The following ZNF678 variants were observed in gnomAD, a reference collection of about 807,000 sequenced individuals.
ZNF678 encodes hypothetical protein MGC42493.
In ZNF678, 5 loss-of-function variants were observed where a neutral mutation model predicts 3.0. That is an observed-to-expected ratio of 1.69 (90% confidence interval 0.88 to 3.56). ZNF678 has a LOEUF of 3.56. ZNF678 is among the 30% of genes most tolerant of loss of function. The pLI, the probability that ZNF678 is intolerant of heterozygous loss-of-function variation, is 0.00. For missense variants in ZNF678, 593 were observed against 605.0 expected (o/e 0.98, Z 0.21); for synonymous variants, 218 against 199.6 (o/e 1.09, Z -0.78).
At chr1:227,620,304 T>C (rs562510696) in intron 1 of ZNF678, among the ~76,000 whole-genome samples, 1 of 152,316 alleles carries the variant, frequency 6.6e-6, no homozygotes, top group South Asian at 2.1e-4. Context: ...CCTCCATTTT[T>C]CCTTTTTTGA....
rs1206267875 is a variant in ZNF678 at position 227,656,327 on chromosome 1, G to A, written c.*499G>A. On this transcript the variant is annotated 3_prime_UTR_variant, in exon 4 of 4. Transcript: ENST00000343776. ...ATTCAAAGTTAAAATAGATAATTTA[G>A]TTGTATGTAAATTTAAATGAATCAA... 1 of 151,872 alleles carries A rather than the reference G, an allele frequency of 6.6e-6. No homozygotes were observed. Among genetic ancestry groups the A allele is most frequent in the East Asian group, 1.9e-4 (1 of 5,202 alleles). The allele number at this position is 151,872 out of a possible 1,614,324, so 9.4% of individuals were successfully genotyped here. A position where few individuals can be genotyped will look rare whatever the true frequency, so the allele number is the denominator to read the frequency against.
intron 1 of ZNF678, among the ~76,000 whole-genome samples, chr1:227,611,324 A>AT (rs1246565307): frequency 6.6e-6 from 1 of 152,112 alleles, no homozygotes; most frequent in Non-Finnish European, 1.5e-5. Context: ...CACCCTATCT[A>AT]TACAAGATTC....
intron 1 of ZNF678, among the ~76,000 whole-genome samples, chr1:227,592,991 G>A (rs548819169): frequency 7.6e-4 from 116 of 152,352 alleles, no homozygotes; most frequent in African/African-American, 2.8e-3. Flanking sequence ...CCAAGGAATG[G>A]TAAGTTTTCT....
chr1:227,651,214 G>T, intron 3 of ZNF678, 138 bp downstream of exon 3: 1 of 927,712 alleles, frequency 1.1e-6, no homozygotes, highest in Non-Finnish European at 1.6e-6. Flanking sequence ...TATTACCAGG[G>T]GCTTGTGTGC....
intron 1 of ZNF678, among the ~76,000 whole-genome samples, chr1:227,595,218 C>T (rs1246279294): frequency 6.7e-6 from 1 of 148,578 alleles, no homozygotes; most frequent in African/African-American, 2.5e-5. Flanking sequence ...TTGACTTTGT[C>T]TCTCTCTCTT....
chr1:227,652,839 G>A lies in ZNF678; in HGVS notation c.86-1497G>A, dbSNP rs1659123263. On this transcript the variant is annotated intron_variant, in intron 3 of 3. Transcript: ENST00000343776. ...TACAGAATTTTATTTTTGTATATGT[G>A]TACATCTTTCCCAGACAGTTATGTA... Among the ~76,000 whole-genome samples the A allele has an allele frequency of 1.3e-5, 2 of 151,986 alleles. 1 individual carries two copies. The highest frequency in any genetic ancestry group is 4.2e-4 in the South Asian group (2 of 4,816).
At chr1:227,592,559 A>G (rs984773473) in intron 1 of ZNF678, among the ~76,000 whole-genome samples, 1 of 152,190 alleles carries the variant, frequency 6.6e-6, no homozygotes, top group Non-Finnish European at 1.5e-5. Flanking sequence ...TTTTTCTTTA[A>G]CTCATGAAAA....
At chr1:227,648,399 G>A (rs907873806) in intron 2 of ZNF678, among the ~76,000 whole-genome samples, 1 of 152,086 alleles carries the variant, frequency 6.6e-6, no homozygotes, top group African/African-American at 2.4e-5. Context: ...AATTTGATGT[G>A]TACACATTGT....
chr1:227,613,151 C>T (rs1373133893), intron 1 of ZNF678, among the ~76,000 whole-genome samples: 3 of 152,132 alleles, frequency 2.0e-5, no homozygotes, highest in Non-Finnish European at 4.4e-5. Flanking sequence ...CAATATCTGC[C>T]TCTGGTACTA....
chr1:227,599,836 C>T (rs114417808), intron 1 of ZNF678, among the ~76,000 whole-genome samples: 3,092 of 152,018 alleles, frequency 0.02, 46 homozygotes, highest in Non-Finnish European at 0.029. Flanking sequence ...ATTTCAAGCA[C>T]GGGGTACATG....
Position 227,655,801 on chromosome 1 carries a change from C to T in ZNF678, c.1551C>T (p.Asp517=). The T allele has an allele frequency of 6.4e-7, 1 of 1,573,974 alleles. No homozygotes were observed. Among genetic ancestry groups the T allele is most frequent in the East Asian group, 2.2e-5 (1 of 44,542 alleles). Residue 517 remains aspartate (D), a synonymous_variant, in exon 4 of 4, where the codon GAC becomes GAT. Coordinates refer to ENST00000343776, the MANE Select transcript of ZNF678 (RefSeq NM_001367909.1). ...GAATTTATACTGGAGAGGAACCTGA[C>T]AAATGTAAAAAATGTGGCAGTCTTT... ...YKRIYTGEEP[D]KCKKCGSL is the part of the protein sequence containing the mutation.
In ZNF678 at chr1:227,671,906, CAT is replaced by C. The variant is rs200684313; in HGVS notation, c.227-5272_227-5271del. 3.8e-3 allele frequency among the ~76,000 whole-genome samples: 577 copies of C among 152,168 alleles called. 5 individuals are homozygous for C. The highest frequency in any genetic ancestry group is 0.013 in the African/African-American group (527 of 41,502). ...TTTTTTAAAATGTAAAAAAATAGGA[CAT>C]GTGGTTCCAGGAGTCCAAAAGAGGT... is the stretch of plus-strand genomic sequence containing the variant. On this transcript the variant is annotated intron_variant, in intron 5 of 5. Coordinates refer to the ZNF678 transcript ENST00000608949.
rs1289469872 is a variant in ZNF678, at chr1:227,661,258, TG to T, written c.*5433del. On this transcript the variant is annotated 3_prime_UTR_variant, in exon 4 of 4. Transcript: ENST00000343776. ...ACCTTCTCAGATATTTTGTTGAACG[TG>T]GGACCTTTGTTTTTTTTTGTTGTTT... 6.6e-6 allele frequency: 1 copy of T among 151,902 alleles called. No individual in the cohort carries two copies. The highest frequency in any genetic ancestry group is 1.5e-5 in the Non-Finnish European group (1 of 68,030). The allele number at this position is 151,902 out of a possible 1,614,324, so 9.4% of individuals were successfully genotyped here. A position where few individuals can be genotyped will look rare whatever the true frequency, so the allele number is the denominator to read the frequency against.
chr1:227,608,470 A>G (rs1657934229), intron 1 of ZNF678, among the ~76,000 whole-genome samples: 1 of 152,198 alleles, frequency 6.6e-6, no homozygotes, highest in Admixed American at 6.5e-5. Flanking sequence ...TATTTGGCAA[A>G]TGATACGTAT....
intron 1 of ZNF678, among the ~76,000 whole-genome samples, chr1:227,607,372 C>T (rs574096723): frequency 1.3e-5 from 2 of 152,138 alleles, no homozygotes; most frequent in African/African-American, 4.8e-5. Context: ...ACCTACCACT[C>T]AGACATGTCA....
At chr1:227,626,029 C>T (rs1658404386) in intron 1 of ZNF678, among the ~76,000 whole-genome samples, 1 of 152,118 alleles carries the variant, frequency 6.6e-6, no homozygotes, top group African/African-American at 2.4e-5. Context: ...ATCAATATTT[C>T]TGGGAAGCTG....
At chr1:227,583,352 CTTT>C (rs796974595) in intron 1 of ZNF678, among the ~76,000 whole-genome samples, 2 of 131,904 alleles carry the variant, frequency 1.5e-5, no homozygotes, top group Middle Eastern at 3.6e-3. Flanking sequence ...TTTCTTTTTT[CTTT>C]TTTTTTTTTT....
chr1:227,577,141 G>A (rs59034043), intron 1 of ZNF678, among the ~76,000 whole-genome samples: 32,836 of 152,168 alleles, frequency 0.22, 3,946 homozygotes, highest in East Asian at 0.44. Flanking sequence ...CATTTCCTAA[G>A]GAATGTCTTT....
Position 227,655,461 on chromosome 1 carries a change from C to T in ZNF678, c.1211C>T (p.Pro404Leu). The change falls in exon 4 of 4, where the codon CCC (proline) becomes CTC (leucine). Residue 404 changes from proline to leucine, a missense_variant. Physicochemically the swap from Pro to Leu is moderately conservative, Grantham distance 98. Coordinates refer to ENST00000343776, the MANE Select transcript of ZNF678 (RefSeq NM_001367909.1). ...QHRRIHTGVK[P>L]YKCEECGKVF... The stretch of plus-strand genomic sequence containing the variant: ...AGGAGAATTCATACTGGAGTGAAAC[C>T]CTACAAATGTGAAGAATGTGGGAAA... The T allele has an allele frequency of 6.2e-7, 1 of 1,612,242 alleles. No homozygotes were observed. Among genetic ancestry groups the T allele is most frequent in the Non-Finnish European group, 8.5e-7 (1 of 1,179,164 alleles).
Sources: allele counts gnomAD v4.1 joint callset (sites outside exome capture counted in the v4.1 genomes callset), GRCh38; gene constraint gnomAD v4.1.1; transcripts MANE v1.5; gene names NCBI Gene and HGNC (gene_info 2026-07-23, HGNC 2026-07-21).